Variants in PLXNC1 observed in about 807,000 individuals in gnomAD.
PLXNC1 encodes the protein plexin-C1.
Under a neutral mutation model 178.2 loss-of-function variants are expected in PLXNC1, and 75 were observed. That is an observed-to-expected ratio of 0.42 (90% CI 0.35 to 0.51). PLXNC1 has a LOEUF of 0.51. Among genes scored for constraint, PLXNC1 ranks in the 20% least tolerant of loss-of-function variants. PLXNC1 has a pLI of 0.02. For synonymous variants in PLXNC1, 790 were observed against 779.9 expected (o/e 1.01, Z -0.22); for missense variants, 1,503 against 1,984.4 (o/e 0.76, Z 4.61).
At chr12:94,266,403 G>C (rs1243302619) in intron 21 of PLXNC1, among the ~76,000 whole-genome samples, 1 of 152,186 alleles carries the variant, frequency 6.6e-6, no homozygotes, top group Non-Finnish European at 1.5e-5. Context: ...ATCCACATCT[G>C]AGAGGCCGGA....
chr12:94,169,380 A>G (rs1394604207), intron 2 of PLXNC1, 87 bp downstream of exon 2: 1 of 1,168,058 alleles, frequency 8.6e-7, no homozygotes, highest in African/African-American at 1.5e-5. Flanking sequence ...CTTCTGGGTT[A>G]TACATGAGAC....
chr12:94,279,203 CTATT>C (rs1422754960), intron 21 of PLXNC1, among the ~76,000 whole-genome samples: 25 of 152,170 alleles, frequency 1.6e-4, no homozygotes, highest in Admixed American at 5.9e-4. Flanking sequence ...CATTTTTAGA[CTATT>C]TATGTGTATA....
chr12:94,244,065 G>A, intron 12 of PLXNC1, 40 bp downstream of exon 12: 1 of 1,239,898 alleles, frequency 8.1e-7, no homozygotes, highest in South Asian at 1.2e-5. Context: ...TTGTTTTCAA[G>A]GATGGTTCTA....
intron 1 of PLXNC1, among the ~76,000 whole-genome samples, chr12:94,157,449 T>G (rs940998977): frequency 6.6e-6 from 1 of 152,234 alleles, no homozygotes; most frequent in Non-Finnish European, 1.5e-5. Context: ...TCTAACCTGT[T>G]CATCAAAGTG....
chr12:94,247,227 G>A (rs1272445085), intron 12 of PLXNC1, among the ~76,000 whole-genome samples: 1 of 151,190 alleles, frequency 6.6e-6, no homozygotes, highest in Non-Finnish European at 1.5e-5. Context: ...ATGTGTTGTT[G>A]TTTTTTTTTA....
chr12:94,256,232 T>C (rs1441649270), intron 17 of PLXNC1: 1 of 152,180 alleles, frequency 6.6e-6, no homozygotes, highest in African/African-American at 2.4e-5. Flanking sequence ...CAGAAGCTTC[T>C]CCGGAACAAT....
chr12:94,176,620 A>G (rs1962059243), intron 2 of PLXNC1, among the ~76,000 whole-genome samples: 1 of 152,218 alleles, frequency 6.6e-6, no homozygotes, highest in African/African-American at 2.4e-5. Flanking sequence ...AAGGTAATAC[A>G]ATGATATTGT....
rs187701970 is a variant in PLXNC1 at position 94,159,054 on chromosome 12, C to G, written c.1062+9021C>G. On this transcript the variant is annotated intron_variant, in intron 1 of 30. Transcript: ENST00000258526. Reference sequence around the variant, plus strand: ...GGCTGCAATAAGGTTGGAGGCAAAGCACCTTATTAGAAGGACTATCATTTG... The same window carrying G: ...GGCTGCAATAAGGTTGGAGGCAAAGGACCTTATTAGAAGGACTATCATTTG... 2.6e-5 allele frequency among the ~76,000 whole-genome samples: 4 copies of G among 152,318 alleles called. No individual in the cohort carries two copies. The East Asian group carries it at 7.7e-4, about 29-fold the overall frequency.
At chr12:94,177,527 G>GAGAAAGAAAGAA (rs927784615) in intron 2 of PLXNC1, among the ~76,000 whole-genome samples, 1 of 89,150 alleles carries the variant, frequency 1.1e-5, no homozygotes, top group African/African-American at 4.6e-5. Context: ...GAGAGAGAGG[G>GAGAAAGAAAGAA]AGAAAGAAAG....
Position 94,248,097 on chromosome 12 carries a change from G to C in PLXNC1, c.2583G>C (p.Val861=). ...CCGAGGTGGACACAGAACTGGAAGT[G>C]AAAATTCAAGTATGTTTCTTTTCTT... The part of the protein sequence containing the change: ...VESEVDTELE[V]KIQKENDNFN... The change falls in exon 13 of 31, where the codon GTG becomes GTC. Residue 861 remains valine, a synonymous_variant. Transcript: ENST00000258526. The C allele has an allele frequency of 6.2e-7, 1 of 1,614,030 alleles. No homozygotes were observed. Among genetic ancestry groups the C allele is most frequent in the Non-Finnish European group, 8.5e-7 (1 of 1,179,906 alleles).
rs1266870264 is a variant in PLXNC1 at position 94,259,709 on chromosome 12, CAGA to C, written c.3231_3233del (p.Lys1077del). On this transcript the variant is annotated inframe_deletion, in exon 19 of 31. Coordinates refer to ENST00000258526, the MANE Select transcript of PLXNC1 (RefSeq NM_005761.3). ...TACTGTCATCCACACCCTTGAAAAG[CAGA>C]AGAACTTTTCTGTGAAGGACAGGTA... 5.0e-6 allele frequency: 8 copies of C among 1,611,034 alleles called. No homozygotes were observed. The highest frequency in any genetic ancestry group is 5.9e-6 in the Non-Finnish European group (7 of 1,178,720).
chr12:94,220,776 G>A (rs1963774244), intron 6 of PLXNC1, among the ~76,000 whole-genome samples: 2 of 152,242 alleles, frequency 1.3e-5, no homozygotes, highest in Admixed American at 6.5e-5. Context: ...AAGGGGTAAG[G>A]AAAGCTTCCT....
intron 2 of PLXNC1, 28 bp from the exon 3 acceptor site, chr12:94,181,418 T>C (rs1200695325): frequency 2.2e-6 from 3 of 1,384,004 alleles, no homozygotes; most frequent in Non-Finnish European, 3.0e-6. Context: ...ATAGAAATCA[T>C]GTTTCTCTTT....
At chr12:94,162,894 T>C (rs1011866456) in intron 1 of PLXNC1, among the ~76,000 whole-genome samples, 1 of 152,088 alleles carries the variant, frequency 6.6e-6, no homozygotes, top group Non-Finnish European at 1.5e-5. Context: ...TTGAGAAATG[T>C]TGGGGAGAGA....
At chr12:94,175,880 A>G (rs945388686) in intron 2 of PLXNC1, among the ~76,000 whole-genome samples, 3 of 152,252 alleles carry the variant, frequency 2.0e-5, no homozygotes, top group Non-Finnish European at 4.4e-5. Flanking sequence ...AAGACACTTC[A>G]GATAGTGCTA....
intron 14 of PLXNC1, among the ~76,000 whole-genome samples, chr12:94,249,797 G>A (rs981188117): frequency 6.6e-6 from 1 of 152,010 alleles, no homozygotes; most frequent in Non-Finnish European, 1.5e-5. Context: ...CGCTGTGATG[G>A]GGACAGACAG....
intron 4 of PLXNC1, among the ~76,000 whole-genome samples, chr12:94,193,463 C>T (rs944835276): frequency 6.6e-6 from 1 of 152,136 alleles, no homozygotes; most frequent in African/African-American, 2.4e-5. Flanking sequence ...GTCTGACACA[C>T]TAAAAATAGG....
At chr12:94,167,570 T>A (rs1031590044) in intron 1 of PLXNC1, among the ~76,000 whole-genome samples, 5 of 152,224 alleles carry the variant, frequency 3.3e-5, no homozygotes, top group African/African-American at 9.6e-5. Flanking sequence ...CTTATTTTTT[T>A]AATCCTAAAG....
At chr12:94,220,246 T>G (rs866771306) in intron 6 of PLXNC1, 83 bp downstream of exon 6, 11 of 1,358,280 alleles carry the variant, frequency 8.1e-6, no homozygotes, top group Non-Finnish European at 1.1e-5. Context: ...CCAAGGAATA[T>G]GAATAGTTCC....
Sources: gnomAD v4.1 joint callset for allele counts (sites outside exome capture counted in the v4.1 genomes callset) on GRCh38, gnomAD v4.1.1 for gene constraint, MANE v1.5 for transcripts, NCBI Gene and HGNC (gene_info 2026-07-23, HGNC 2026-07-21) for gene names.